NR2C2AP: variants seen among roughly 807,000 people sequenced by gnomAD.
NR2C2AP encodes nuclear receptor 2C2 associated protein.
Under a neutral mutation model 19.1 loss-of-function variants are expected in NR2C2AP, and 13 were observed. That is an observed-to-expected ratio of 0.68 (90% CI 0.44 to 1.08). The LOEUF (loss-of-function observed/expected upper bound fraction) is 1.08, where lower values mean the gene tolerates loss of function less well. NR2C2AP is among the 50% of genes least tolerant of loss of function. The probability of loss-of-function intolerance (pLI) is 0.00; values close to 1 mark genes in which losing one functional copy is unlikely to be tolerated. For missense variants in NR2C2AP, 181 were observed against 172.7 expected, an observed-to-expected ratio of 1.05 and a Z score of -0.27; for synonymous variants, 81 against 64.4, an observed-to-expected ratio of 1.26 and a Z score of -1.23.
chr19:19,202,165 A>G, intron 4 of NR2C2AP, 124 bp from the exon 5 acceptor site: 1 of 1,213,882 alleles, frequency 8.2e-7, no homozygotes. Context: ...AGGTCCCTCT[A>G]AGCCTCTCAC....
rs553620097 is a variant in NR2C2AP at position 19,202,954 on chromosome 19, A to G, written c.38+69T>C. 81 of 1,608,628 alleles carry G rather than the reference A, an allele frequency of 5.0e-5. No homozygotes were observed. The East Asian group carries it at 1.3e-3, about 26-fold the overall frequency. On this transcript the variant is annotated intron_variant, in intron 1 of 4. Coordinates refer to ENST00000331552, the MANE Select transcript of NR2C2AP (RefSeq NM_176880.6). ...CAGCTCCGCGGAGGGCCTGACCCCC[A>G]GATCTGTCCACTGAGGGCTCGACCC...
rs752747766 is a variant in NR2C2AP, at chr19:19,201,704, C to T, written c.*221G>A. The T allele has an allele frequency of 1.6e-5, 26 of 1,613,948 alleles. No homozygotes were observed. Among genetic ancestry groups the T allele is most frequent in the African/African-American group, 9.3e-5 (7 of 74,924 alleles). On this transcript the variant is annotated 3_prime_UTR_variant, in exon 5 of 5. Transcript: ENST00000331552. ...AGCTCTTCCAGAGCAACCTGGTGCC[C>T]GCTGACCCTGAGTGAAGGCCGCCTG... is the stretch of plus-strand genomic sequence containing the variant.
At position 19,202,560 on chromosome 19, in the gene NR2C2AP, C is replaced by G. The variant is rs937197636; in HGVS notation, c.145G>C (p.Val49Leu). The G allele has an allele frequency of 5.0e-6, 8 of 1,612,968 alleles. No individual in the cohort carries two copies. Among genetic ancestry groups the G allele is most frequent in the Admixed American group, 1.7e-5 (1 of 59,992 alleles). Residue 49 changes from valine (V) to leucine (L), a missense_variant, in exon 3 of 5, where the codon GTG becomes CTG. Physicochemically the swap from Val to Leu is conservative, Grantham distance 32. Coordinates refer to ENST00000331552, the MANE Select transcript of NR2C2AP (RefSeq NM_176880.6). ...ATGAGCTGGGGAAACTCCAGCGTCA[C>G]CCACTGGGAGGGGCCCTGGAAGCAG... ...WNSDQGPSQW[V>L]TLEFPQLIRV...
intron 4 of NR2C2AP, 108 bp from the exon 5 acceptor site, chr19:19,202,149 A>G: frequency 1.6e-6 from 2 of 1,289,810 alleles, no homozygotes; most frequent in South Asian, 2.5e-5. Flanking sequence ...AACCTGGGGA[A>G]GCTGCAGGTC....
rs1382852081 is a variant in NR2C2AP at position 19,201,424 on chromosome 19, A to G, written c.*501T>C. On this transcript the variant is annotated 3_prime_UTR_variant, in exon 5 of 5. Transcript: ENST00000331552. ...AATTCACACATTTTGCTTGGTAGGA[A>G]ATATTTTTATATTAATTCTGAAAAG... The G allele has an allele frequency of 2.5e-5, 37 of 1,480,630 alleles. No individual in the cohort carries two copies. Among genetic ancestry groups the G allele is most frequent in the Non-Finnish European group, 3.3e-5 (36 of 1,097,142 alleles). 91.7% of individuals were successfully genotyped at this position (1,480,630 alleles called of 1,614,324 possible). A position where few individuals can be genotyped will look rare whatever the true frequency, so the allele number is the denominator to read the frequency against.
rs2060741284 is a variant in NR2C2AP at position 19,202,965 on chromosome 19, C to A, written c.38+58G>T. The A allele has an allele frequency of 4.3e-6, 7 of 1,612,228 alleles. No homozygotes were observed. In the Admixed American group the frequency reaches 1.2e-4, roughly 27 times the overall value. On this transcript the variant is annotated intron_variant, in intron 1 of 4. Transcript: ENST00000331552. ...AGGGCCTGACCCCCAGATCTGTCCA[C>A]TGAGGGCTCGACCCCAGGCTTAGGG... is the stretch of plus-strand genomic sequence containing the variant.
intron 1 of NR2C2AP, 49 bp downstream of exon 1, chr19:19,202,974 C>A: frequency 6.2e-7 from 1 of 1,612,570 alleles, no homozygotes; most frequent in Non-Finnish European, 8.5e-7. Context: ...ACTGAGGGCT[C>A]GACCCCAGGC....
chr19:19,203,015 A>T lies in NR2C2AP; in HGVS notation c.38+8T>A. 1.1e-5 allele frequency: 18 copies of T among 1,613,856 alleles called. No individual in the cohort carries two copies. Among genetic ancestry groups the T allele is most frequent in the Non-Finnish European group, 1.5e-5 (18 of 1,179,950 alleles). On this transcript the variant is annotated splice_region_variant and intron_variant, in intron 1 of 4. Transcript: ENST00000331552. ...GCCTCGCCACTGCCTGTCCCCACAG[A>T]CTCTTACCTGCTCACTGTCTCTGGA...
chr19:19,202,039 AGT>A lies in NR2C2AP; in HGVS notation c.304_305del (p.Thr102PhefsTer7). On this transcript the variant is annotated frameshift_variant and splice_region_variant, in exon 5 of 5. Coordinates refer to ENST00000331552, the MANE Select transcript of NR2C2AP (RefSeq NM_176880.6). LOFTEE classifies it high-confidence loss of function. ...CCACTTCAGCAGCTGGTATGGGGAAAGTGTGAGCGTGGGCAGTCAAGGGAAAC... is the reference window on the plus strand; with the variant it reads ...CCACTTCAGCAGCTGGTATGGGGAAAGTGAGCGTGGGCAGTCAAGGGAAAC... ...FYPEDNNSLQ[T>X]FPIPAAEVDR... 4 of 1,614,122 alleles carry A rather than the reference AGT, an allele frequency of 2.5e-6. No individual in the cohort carries two copies. The highest frequency in any genetic ancestry group is 3.4e-6 in the Non-Finnish European group (4 of 1,180,010).
chr19:19,202,728 C>T (rs1490288431), intron 2 of NR2C2AP, 63 bp downstream of exon 2: 2 of 1,530,082 alleles, frequency 1.3e-6, no homozygotes, highest in South Asian at 2.2e-5. Flanking sequence ...CCCTGACGTT[C>T]TCAAGGCATG....
chr19:19,202,758 C>A, intron 2 of NR2C2AP, 33 bp downstream of exon 2: 1 of 1,587,718 alleles, frequency 6.3e-7, no homozygotes, highest in South Asian at 1.1e-5. Flanking sequence ...TCTGAATCAC[C>A]CTAGAGATGG....
chr19:19,202,843 C>T lies in NR2C2AP; in HGVS notation c.77G>A (p.Gly26Glu). 1 of 1,613,730 alleles carries T rather than the reference C, an allele frequency of 6.2e-7. No individual in the cohort carries two copies. The highest frequency in any genetic ancestry group is 8.5e-7 in the Non-Finnish European group (1 of 1,179,988). ...SVLNRNTRQFGKKHLFDQDEE... is the reference protein window; with the variant it reads ...SVLNRNTRQFEKKHLFDQDEE... ...ATCCTGGTCGAAAAGATGTTTTTTT[C>T]CAAACTGCCGAGTGTTGCGATTCAG... The change falls in exon 2 of 5, where the codon GGA becomes GAA. Residue 26 changes from glycine to glutamate, a missense_variant. By Grantham distance (98) the Gly-to-Glu change is moderately conservative (BLOSUM62 -2). Transcript: ENST00000331552.
Position 19,203,012 on chromosome 19 carries a change from C to T in NR2C2AP, c.38+11G>A. 2 of 1,614,188 alleles carry T rather than the reference C, an allele frequency of 1.2e-6. No individual in the cohort carries two copies. The highest frequency in any genetic ancestry group is 1.7e-6 in the Non-Finnish European group (2 of 1,180,022). ...AGGGCCTCGCCACTGCCTGTCCCCA[C>T]AGACTCTTACCTGCTCACTGTCTCT... On this transcript the variant is annotated intron_variant, in intron 1 of 4. Transcript: ENST00000331552.
chr19:19,202,325 G>C lies in NR2C2AP; in HGVS notation c.303+6C>G. 1 of 1,614,020 alleles carries C rather than the reference G, an allele frequency of 6.2e-7. No homozygotes were observed. Among genetic ancestry groups the C allele is most frequent in the Non-Finnish European group, 8.5e-7 (1 of 1,179,840 alleles). ...ACCACCCACCCCAGAAGCAGGGGCAGGATATCTGAAGCGAGTTGTTGTCCT... is the reference window on the plus strand; with the variant it reads ...ACCACCCACCCCAGAAGCAGGGGCACGATATCTGAAGCGAGTTGTTGTCCT... On this transcript the variant is annotated splice_donor_region_variant and intron_variant, in intron 4 of 4. Transcript: ENST00000331552.
rs190647199 is a variant in NR2C2AP, at chr19:19,203,200, C to T, written c.-140G>A. The T allele has an allele frequency of 1.2e-3, 978 of 797,286 alleles. 2 individuals carry two copies. Among genetic ancestry groups the T allele is most frequent in the Middle Eastern group, 2.7e-3 (8 of 2,970 alleles). 49.4% of individuals were successfully genotyped at this position (797,286 alleles called of 1,614,324 possible). A position where few individuals can be genotyped will look rare whatever the true frequency, so the allele number is the denominator to read the frequency against. The stretch of plus-strand genomic sequence containing the variant: ...CCTCACCTGTAACTTGGGACGAGAA[C>T]CGCCACTCCCTCGCCCACCCCAGTC... On this transcript the variant is annotated 5_prime_UTR_variant, in exon 1 of 5. Coordinates refer to ENST00000331552, the MANE Select transcript of NR2C2AP (RefSeq NM_176880.6).
rs750167346 is a variant in NR2C2AP at position 19,203,025 on chromosome 19, G to A, written c.36C>T (p.Ser12=). ...TGCCTGTCCCCACAGACTCTTACCT[G>A]CTCACTGTCTCTGGACAAACCAAAG... ...THSLVCPETV[S]RVSSVLNRNT... Residue 12 remains serine (S), a splice_region_variant and synonymous_variant, in exon 1 of 5, where the codon AGC becomes AGT. Coordinates refer to ENST00000331552, the MANE Select transcript of NR2C2AP (RefSeq NM_176880.6). 6.2e-7 allele frequency: 1 copy of A among 1,614,104 alleles called. No individual in the cohort carries two copies. The highest frequency in any genetic ancestry group is 8.5e-7 in the Non-Finnish European group (1 of 1,179,996).
At chr19:19,202,733 G>C in intron 2 of NR2C2AP, 58 bp downstream of exon 2, 2 of 1,539,178 alleles carry the variant, frequency 1.3e-6, no homozygotes, top group South Asian at 1.1e-5. Flanking sequence ...ACGTTCTCAA[G>C]GCATGAGATC....
In NR2C2AP at chr19:19,202,515, T is replaced by TCTGCAG; in HGVS notation, c.184_189dup (p.Leu62_Gln63dup). 4.3e-6 allele frequency: 7 copies of TCTGCAG among 1,613,892 alleles called. No individual in the cohort carries two copies. Among genetic ancestry groups the TCTGCAG allele is most frequent in the Non-Finnish European group, 5.9e-6 (7 of 1,179,984 alleles). On this transcript the variant is annotated inframe_insertion, in exon 3 of 5. Coordinates refer to ENST00000331552, the MANE Select transcript of NR2C2AP (RefSeq NM_176880.6). ...CTGGAGAAGCCACCCTGAAACTGGA[T>TCTGCAG]CTGCAGCTGGGAGACACGGATGAGC...
At chr19:19,202,662 T>C in intron 2 of NR2C2AP, 87 bp from the exon 3 acceptor site, 5 of 1,417,778 alleles carry the variant, frequency 3.5e-6, no homozygotes, top group Non-Finnish European at 4.9e-6. Context: ...GTTCTTGGAA[T>C]GGAGGGGAAG....
Sources: gnomAD v4.1 joint callset for allele counts on GRCh38, gnomAD v4.1.1 for gene constraint, MANE v1.5 for transcripts, NCBI Gene and HGNC (gene_info 2026-07-23, HGNC 2026-07-21) for gene names.